Variants in ACAN observed in about 807,000 individuals in gnomAD.
ACAN encodes aggrecan.
A neutral mutation model predicts 169.1 loss-of-function variants in ACAN; 47 were observed. That is an observed-to-expected ratio of 0.28 (90% CI 0.22 to 0.35). The LOEUF (loss-of-function observed/expected upper bound fraction) is 0.35, where lower values mean the gene tolerates loss of function less well. Ranked by LOEUF, ACAN falls within the 10% of genes least tolerant of loss-of-function variation. The probability of loss-of-function intolerance (pLI) is 1.00; values close to 1 mark genes in which losing one functional copy is unlikely to be tolerated. For synonymous variants in ACAN, 1,115 were observed against 1,112.2 expected (o/e 1.00, Z -0.05); for missense variants, 2,716 against 2,759.9 (o/e 0.98, Z 0.36).
rs775887862 is a variant in ACAN at position 88,839,975 on chromosome 15, C to A, written c.455-37C>A. Reference sequence around the variant, plus strand: ...TCGGTGATCAGAGACTGTGCCTGACCAGCTCTTCCGCTTGTGGGCGTGTAT... The same window carrying A: ...TCGGTGATCAGAGACTGTGCCTGACAAGCTCTTCCGCTTGTGGGCGTGTAT... On this transcript the variant is annotated intron_variant, in intron 3 of 18. Transcript: ENST00000560601. The surrounding 1 kb of genome is among the most constrained non-coding windows in gnomAD (Gnocchi z 4.5). The A allele has an allele frequency of 1.4e-5, 22 of 1,571,190 alleles. No homozygotes were observed. The highest frequency in any genetic ancestry group is 1.8e-5 in the Non-Finnish European group (21 of 1,156,252).
rs71462461 is a variant in ACAN at position 88,807,747 on chromosome 15, A to AGAGTGTGTGTGT, written c.-8+3939_-8+3940insAGTGTGTGTGTG. The stretch of plus-strand genomic sequence containing the variant: ...CTCAGAGCCTCCTTATAAGTGGTGG[A>AGAGTGTGTGTGT]GTGTGTGTGTGTGTGTGTGTGTGTG... On this transcript the variant is annotated intron_variant, in intron 1 of 18. Coordinates refer to ENST00000560601, the MANE Select transcript of ACAN (RefSeq NM_001369268.1). This position sits in a 1 kb window ranked among gnomAD's most constrained non-coding sequence, Gnocchi z 4.0. Among the ~76,000 whole-genome samples, 9 of 142,026 alleles carry AGAGTGTGTGTGT rather than the reference A, an allele frequency of 6.3e-5. No individual in the cohort carries two copies. Among genetic ancestry groups the AGAGTGTGTGTGT allele is most frequent in the Admixed American group, 6.9e-5 (1 of 14,438 alleles). 93.2% of individuals were successfully genotyped at this position (142,026 alleles called of 152,430 possible).
chr15:88,846,752 A>G (rs907627452), intron 7 of ACAN, among the ~76,000 whole-genome samples: 3 of 152,262 alleles, frequency 2.0e-5, no homozygotes, highest in African/African-American at 4.8e-5. Context: ...CTACACTTGT[A>G]TATCAGGGAC....
At chr15:88,815,303 A>T (rs559407263) in intron 1 of ACAN, among the ~76,000 whole-genome samples, 1 of 152,134 alleles carries the variant, frequency 6.6e-6, no homozygotes, top group Non-Finnish European at 1.5e-5. Context: ...TCATGCCTGT[A>T]ATCCCAGCAC....
At chr15:88,806,835 GA>G (rs1205782172) in intron 1 of ACAN, among the ~76,000 whole-genome samples, 5 of 152,080 alleles carry the variant, frequency 3.3e-5, no homozygotes, top group African/African-American at 1.2e-4. Flanking sequence ...CAGGTTGTGA[GA>G]TCAATTTAGC....
At chr15:88,808,723 G>C (rs952736435) in intron 1 of ACAN, among the ~76,000 whole-genome samples, 2 of 152,086 alleles carry the variant, frequency 1.3e-5, no homozygotes, top group Non-Finnish European at 2.9e-5. Flanking sequence ...ATGCACAATA[G>C]AGAATTATCT....
rs767050244 is a variant in ACAN at position 88,858,871 on chromosome 15, G to T, written c.6286G>T (p.Val2096Phe). 18 of 1,611,248 alleles carry T rather than the reference G, an allele frequency of 1.1e-5. No homozygotes were observed. The highest frequency in any genetic ancestry group is 1.4e-5 in the Non-Finnish European group (17 of 1,178,140). Residue 2096 changes from valine (V) to phenylalanine (F), a missense_variant, in exon 12 of 19, where the codon GTC (valine) becomes TTC (phenylalanine). Val to Phe is a conservative substitution (Grantham distance 50). Coordinates refer to ENST00000560601, the MANE Select transcript of ACAN (RefSeq NM_001369268.1). This position sits in a 1 kb window ranked among gnomAD's most constrained non-coding sequence, Gnocchi z 4.0. ...TGGGTCTGGAGTAGAAGTATCATCA[G>T]TCCCAGAATCTAGCAGTGAGACGTC... is the stretch of plus-strand genomic sequence containing the variant. ...LPGSGVEVSS[V>F]PESSSETSAY...
intron 1 of ACAN, among the ~76,000 whole-genome samples, chr15:88,822,452 C>T (rs1218037022): frequency 2.0e-5 from 3 of 150,730 alleles, no homozygotes; most frequent in Admixed American, 6.7e-5. Context: ...AACCATGATC[C>T]AAGGAGCTAA....
rs1485798591 is a variant in ACAN at position 88,869,949 on chromosome 15, C to T, written c.7061-1433C>T. On this transcript the variant is annotated intron_variant, in intron 14 of 18. Coordinates refer to ENST00000560601, the MANE Select transcript of ACAN (RefSeq NM_001369268.1). This position sits in a 1 kb window ranked among gnomAD's most constrained non-coding sequence, Gnocchi z 4.2. ...GCACCCTCCAGCTCTGCCTGCCCAG[C>T]TCAGCCCTTAGCCACTGAAGGGGCC... Among the ~76,000 whole-genome samples the T allele has an allele frequency of 1.3e-5, 2 of 152,190 alleles. No homozygotes were observed. Among genetic ancestry groups the T allele is most frequent in the South Asian group, 4.1e-4 (2 of 4,832 alleles).
At position 88,869,431 on chromosome 15, in the gene ACAN, G is replaced by GA. The variant is rs1048499273; in HGVS notation, c.7060+1110dup. 2.6e-5 allele frequency among the ~76,000 whole-genome samples: 4 copies of GA among 151,464 alleles called. No homozygotes were observed. The highest frequency in any genetic ancestry group is 9.7e-5 in the African/African-American group (4 of 41,200). On this transcript the variant is annotated intron_variant, in intron 14 of 18. Coordinates refer to ENST00000560601, the MANE Select transcript of ACAN (RefSeq NM_001369268.1). The surrounding 1 kb of genome is among the most constrained non-coding windows in gnomAD (Gnocchi z 4.2). Reference sequence around the variant, plus strand: ...TGGTAGAGGAACTTAAGACTTTTGGGAAAAAAAAGGCCTGGACACTCCTAC... The same window carrying GA: ...TGGTAGAGGAACTTAAGACTTTTGGGAAAAAAAAAGGCCTGGACACTCCTAC...
In ACAN at chr15:88,873,679, T is replaced by C. The variant is rs768113917; in HGVS notation, c.7448-163T>C. 1 of 684,444 alleles carries C rather than the reference T, an allele frequency of 1.5e-6. No individual in the cohort carries two copies. The allele number at this position is 684,444 out of a possible 1,614,324, so 42.4% of individuals were successfully genotyped here. A position where few individuals can be genotyped will look rare whatever the true frequency, so the allele number is the denominator to read the frequency against. On this transcript the variant is annotated intron_variant, in intron 17 of 18. Coordinates refer to ENST00000560601, the MANE Select transcript of ACAN (RefSeq NM_001369268.1). The surrounding 1 kb of genome is among the most constrained non-coding windows in gnomAD (Gnocchi z 7.5). Reference sequence around the variant, plus strand: ...GTTCTAAATTGTTGAGGAACCCAGATGTTACAGCCAGCGGCTTCCAGATTC... The same window carrying C: ...GTTCTAAATTGTTGAGGAACCCAGACGTTACAGCCAGCGGCTTCCAGATTC...
rs1351400861 is a variant in ACAN at position 88,840,067 on chromosome 15, G to A, written c.510G>A (p.Arg170=). ...ISTRYTLDFD[R]AQRACLQNSA... is the part of the protein sequence containing the mutation. Reference sequence around the variant, plus strand: ...CACGCTACACCCTCGACTTTGACAGGGCGCAGCGGGCCTGCCTGCAGAACA... The same window carrying A: ...CACGCTACACCCTCGACTTTGACAGAGCGCAGCGGGCCTGCCTGCAGAACA... Residue 170 remains arginine, a synonymous_variant, in exon 4 of 19, where the codon AGG becomes AGA. Transcript: ENST00000560601. The A allele has an allele frequency of 6.2e-7, 1 of 1,602,608 alleles. No homozygotes were observed. Among genetic ancestry groups the A allele is most frequent in the African/African-American group, 1.3e-5 (1 of 74,768 alleles).
Position 88,838,213 on chromosome 15 carries a change from T to C in ACAN, c.71-450T>C, listed in dbSNP as rs1433520124. 6.6e-6 allele frequency among the ~76,000 whole-genome samples: 1 copy of C among 152,128 alleles called. No homozygotes were observed. Among genetic ancestry groups the C allele is most frequent in the Non-Finnish European group, 1.5e-5 (1 of 68,028 alleles). ...CCCAAATGGGACACATCTTAGAAGT[T>C]TTCTGTCTCAGCTTTAAAATTGTGT... On this transcript the variant is annotated intron_variant, in intron 2 of 18. Coordinates refer to ENST00000560601, the MANE Select transcript of ACAN (RefSeq NM_001369268.1). This position sits in a 1 kb window ranked among gnomAD's most constrained non-coding sequence, Gnocchi z 5.1.
chr15:88,865,667 C>T (rs1897268188), intron 13 of ACAN, among the ~76,000 whole-genome samples: 1 of 152,182 alleles, frequency 6.6e-6, no homozygotes, highest in Non-Finnish European at 1.5e-5. Flanking sequence ...CCTCCCTCCA[C>T]TTGCAAGCTC....
intron 1 of ACAN, among the ~76,000 whole-genome samples, chr15:88,818,042 T>G (rs1895985992): frequency 6.6e-6 from 1 of 152,232 alleles, no homozygotes; most frequent in African/African-American, 2.4e-5. Context: ...AGTTTACTTT[T>G]TGTGCTTAAT....
At chr15:88,860,070 TC>T (rs1401853054) in intron 12 of ACAN, among the ~76,000 whole-genome samples, 219 of 142,798 alleles carry the variant, frequency 1.5e-3, no homozygotes, top group Admixed American at 2.8e-3. Context: ...TAGCTGATTT[TC>T]CTTTTTTTTT....
chr15:88,827,346 G>A (rs1896249218), intron 1 of ACAN, among the ~76,000 whole-genome samples: 1 of 152,220 alleles, frequency 6.6e-6, no homozygotes, highest in Non-Finnish European at 1.5e-5. Flanking sequence ...TTGGTGGGGT[G>A]GGGGGCCCCA....
intron 1 of ACAN, among the ~76,000 whole-genome samples, chr15:88,806,336 C>G (rs1895682115): frequency 6.9e-6 from 1 of 145,364 alleles, no homozygotes; most frequent in African/African-American, 2.6e-5. Flanking sequence ...ACTGTGTGTC[C>G]TAACTTTTGG....
intron 1 of ACAN, among the ~76,000 whole-genome samples, chr15:88,829,984 A>G (rs1253747999): frequency 6.6e-6 from 1 of 151,702 alleles, no homozygotes; most frequent in African/African-American, 2.4e-5. Context: ...AGAAAGTCAT[A>G]GCTGGGGGGA....
In ACAN at chr15:88,873,747, G is replaced by C; in HGVS notation, c.7448-95G>C. Reference sequence around the variant, plus strand: ...CGTCCAGGGCTCACTGTCAGATGTTGAGGCTGTGTCCCCCACAGTGCCTCG... The same window carrying C: ...CGTCCAGGGCTCACTGTCAGATGTTCAGGCTGTGTCCCCCACAGTGCCTCG... On this transcript the variant is annotated intron_variant, in intron 17 of 18. Coordinates refer to ENST00000560601, the MANE Select transcript of ACAN (RefSeq NM_001369268.1). The surrounding 1 kb of genome is among the most constrained non-coding windows in gnomAD (Gnocchi z 7.5). The C allele has an allele frequency of 7.5e-7, 1 of 1,329,220 alleles. No homozygotes were observed. Among genetic ancestry groups the C allele is most frequent in the Non-Finnish European group, 1.0e-6 (1 of 961,434 alleles). 82.3% of individuals were successfully genotyped at this position (1,329,220 alleles called of 1,614,324 possible).
Sources: gnomAD v4.1 joint callset for allele counts (sites outside exome capture counted in the v4.1 genomes callset) on GRCh38, gnomAD v4.1.1 for gene constraint, Gnocchi (gnomAD v3.1) non-coding constraint, MANE v1.5 for transcripts, NCBI Gene and HGNC (gene_info 2026-07-23, HGNC 2026-07-21) for gene names.